Variants in MSI2 observed in about 807,000 individuals in gnomAD.
MSI2 encodes musashi RNA binding protein 2.
MSI2 carries 17 observed loss-of-function variants against 45.6 expected under a neutral mutation model. The observed-to-expected ratio is 0.37, with a 90% CI of 0.26 to 0.56. MSI2 has a LOEUF of 0.56. Ranked by LOEUF, MSI2 falls within the 20% of genes least tolerant of loss-of-function variation. The pLI is 0.77. For synonymous variants in MSI2, 156 were observed against 158.2 expected, an observed-to-expected ratio of 0.99 and a Z score of 0.11; for missense variants, 293 against 444.2, an observed-to-expected ratio of 0.66 and a Z score of 3.06.
At chr17:57,358,981 C>T (rs1375637594) in intron 5 of MSI2, among the ~76,000 whole-genome samples, 1 of 152,128 alleles carries the variant, frequency 6.6e-6, no homozygotes, top group Non-Finnish European at 1.5e-5. Context: ...TCTGTTCACC[C>T]ACAAAAGTCT....
intron 6 of MSI2, chr17:57,522,662 C>T (rs2086615660): frequency 6.6e-6 from 1 of 152,142 alleles, no homozygotes; most frequent in Non-Finnish European, 1.5e-5. Context: ...GGGGCCATCT[C>T]ATAGAATTTC....
At chr17:57,607,159 G>A (rs890088485) in intron 8 of MSI2, among the ~76,000 whole-genome samples, 4 of 152,202 alleles carry the variant, frequency 2.6e-5, no homozygotes, top group African/African-American at 4.8e-5. Flanking sequence ...TCCATTATGT[G>A]TATATGTTAT....
At chr17:57,633,212 G>A in intron 10 of MSI2, 1 of 1,007,036 alleles carries the variant, frequency 9.9e-7, no homozygotes, top group Non-Finnish European at 1.2e-6. Flanking sequence ...CTCTTAGCCT[G>A]ACAGTGTCCT....
rs1170854507 is a variant in MSI2 at position 57,373,667 on chromosome 17, C to A, written c.313-27712C>A. Among the ~76,000 whole-genome samples, 4 of 152,170 alleles carry A rather than the reference C, an allele frequency of 2.6e-5. No homozygotes were observed. In the East Asian group the frequency reaches 7.7e-4, roughly 29 times the overall value. ...TGTCTCTTCTGTCATCTGGAAGTCC[C>A]CACCAAATTGGGAAGATGGTGCTAC... On this transcript the variant is annotated intron_variant, in intron 5 of 13. Coordinates refer to ENST00000284073, the MANE Select transcript of MSI2 (RefSeq NM_138962.4).
intron 5 of MSI2, among the ~76,000 whole-genome samples, chr17:57,389,352 G>A (rs554350642): frequency 5.9e-5 from 9 of 152,228 alleles, no homozygotes; most frequent in Admixed American, 2.0e-4. Flanking sequence ...CAGCCTTCCC[G>A]TTGGGCCTGG....
At chr17:57,499,375 TAA>T (rs55797448) in intron 6 of MSI2, among the ~76,000 whole-genome samples, 15 of 125,836 alleles carry the variant, frequency 1.2e-4, no homozygotes, top group Non-Finnish European at 1.4e-4. Flanking sequence ...GATTCTGTCT[TAA>T]AAAAAAAAAA....
chr17:57,694,770 G>T, the MSI2 span, among the ~76,000 whole-genome samples: 2 of 152,128 alleles, frequency 1.3e-5, no homozygotes, highest in Non-Finnish European at 2.9e-5. Context: ...GGTTTAACCA[G>T]ACTTAAGTTC....
At chr17:57,568,669 G>A (rs757804719) in intron 7 of MSI2, among the ~76,000 whole-genome samples, 3 of 152,088 alleles carry the variant, frequency 2.0e-5, no homozygotes, top group Non-Finnish European at 2.9e-5. Context: ...CACTAAACCC[G>A]GTTTACTGCA....
chr17:57,525,313 C>A (rs1471686627), intron 6 of MSI2, among the ~76,000 whole-genome samples: 1 of 152,128 alleles, frequency 6.6e-6, no homozygotes, highest in Admixed American at 6.5e-5. Flanking sequence ...GAGACAGGGT[C>A]TCGCTCTGTA....
intron 6 of MSI2, among the ~76,000 whole-genome samples, chr17:57,421,849 T>A (rs2084402920): frequency 1.3e-5 from 2 of 152,044 alleles, no homozygotes; most frequent in South Asian, 4.2e-4. Flanking sequence ...AGAGTGAGGC[T>A]TCATCTCAAA....
At chr17:57,450,711 A>T (rs1479668844) in intron 6 of MSI2, among the ~76,000 whole-genome samples, 2 of 150,534 alleles carry the variant, frequency 1.3e-5, no homozygotes, top group Non-Finnish European at 3.0e-5. Context: ...GAGTAAAGGC[A>T]AAAGTCCCCT....
At position 57,514,747 on chromosome 17, in the gene MSI2, G is replaced by A. The variant is rs138833853; in HGVS notation, c.406-14929G>A. ...TGTTGTGTGGCTCAGGGATTAAGTA[G>A]GAGGGTTGGTTATTCTGTCAATACT... is the stretch of plus-strand genomic sequence containing the variant. On this transcript the variant is annotated intron_variant, in intron 6 of 13. Coordinates refer to ENST00000284073, the MANE Select transcript of MSI2 (RefSeq NM_138962.4). Among the ~76,000 whole-genome samples, 955 of 151,330 alleles carry A rather than the reference G, an allele frequency of 6.3e-3. 4 individuals are homozygous for A. Among genetic ancestry groups the A allele is most frequent in the Non-Finnish European group, 0.01 (701 of 67,932 alleles).
chr17:57,360,312 G>A (rs1050754778), intron 5 of MSI2, among the ~76,000 whole-genome samples: 17 of 152,256 alleles, frequency 1.1e-4, no homozygotes, highest in Non-Finnish European at 2.5e-4. Flanking sequence ...TGAGGCCCAG[G>A]GGTATAATAG....
At chr17:57,434,715 T>C (rs2084660320) in intron 6 of MSI2, among the ~76,000 whole-genome samples, 1 of 152,230 alleles carries the variant, frequency 6.6e-6, no homozygotes, top group Non-Finnish European at 1.5e-5. Context: ...GGTTCATCCA[T>C]GTTGTTTCAA....
At chr17:57,271,681 A>G (rs1477655415) in intron 5 of MSI2, among the ~76,000 whole-genome samples, 2 of 151,044 alleles carry the variant, frequency 1.3e-5, no homozygotes, top group Non-Finnish European at 1.5e-5. Flanking sequence ...GGCTTCATCC[A>G]TACCCTCCAC....
At chr17:57,553,216 C>A (rs148938276) in intron 7 of MSI2, among the ~76,000 whole-genome samples, 1 of 152,298 alleles carries the variant, frequency 6.6e-6, no homozygotes, top group East Asian at 1.9e-4. Flanking sequence ...GAACTAGGCT[C>A]ATGGGCACAG....
intron 6 of MSI2, among the ~76,000 whole-genome samples, chr17:57,510,957 G>A (rs745602756): frequency 5.3e-5 from 8 of 152,288 alleles, no homozygotes; most frequent in Non-Finnish European, 8.8e-5. Flanking sequence ...AGGTGGGAGG[G>A]AGCTGTGCCT....
At chr17:57,605,664 G>A (rs960971898) in intron 8 of MSI2, among the ~76,000 whole-genome samples, 2 of 152,230 alleles carry the variant, frequency 1.3e-5, no homozygotes, top group Non-Finnish European at 2.9e-5. Flanking sequence ...GCCCAGAGTA[G>A]CGTGGCTCTT....
chr17:57,568,743 T>C (rs538212482), intron 7 of MSI2, among the ~76,000 whole-genome samples: 3 of 152,328 alleles, frequency 2.0e-5, no homozygotes, highest in African/African-American at 7.2e-5. Flanking sequence ...AAAATTGCCA[T>C]AGACTTTCAA....
Sources: allele counts gnomAD v4.1 joint callset (sites outside exome capture counted in the v4.1 genomes callset), GRCh38; gene constraint gnomAD v4.1.1; transcripts MANE v1.5; gene names NCBI Gene and HGNC (gene_info 2026-07-23, HGNC 2026-07-21).